Variants in CCDC154 observed in about 807,000 individuals in gnomAD.
CCDC154 encodes the protein coiled-coil domain-containing protein 154.
CCDC154 carries 91 observed loss-of-function variants against 87.5 expected under a neutral mutation model. That is an observed-to-expected ratio of 1.04 (90% CI 0.88 to 1.24). CCDC154 has a LOEUF of 1.24. Ranked by LOEUF, CCDC154 falls within the 50% of genes most tolerant of loss-of-function variation. CCDC154 has a pLI of 0.00. For missense variants in CCDC154, 903 were observed against 879.2 expected, an observed-to-expected ratio of 1.03 and a Z score of -0.34; for synonymous variants, 418 against 400.4, an observed-to-expected ratio of 1.04 and a Z score of -0.52.
chr16:1,443,724 G>A (rs1240275472), intron 2 of CCDC154, 29 bp from the exon 3 acceptor site: 2 of 1,301,018 alleles, frequency 1.5e-6, no homozygotes, highest in Non-Finnish European at 2.0e-6. Context: ...GGCGAGTCTG[G>A]CGGTGCCCGC....
intron 1 of CCDC154, 41 bp from the exon 2 acceptor site, chr16:1,444,053 G>A: frequency 7.9e-7 from 1 of 1,273,646 alleles, no homozygotes; most frequent in Non-Finnish European, 1.0e-6. Context: ...TTGGGGCCCG[G>A]CCCCCACTGG....
In CCDC154 at chr16:1,443,947, C is replaced by G; in HGVS notation, c.73G>C (p.Asp25His). 1 of 1,303,776 alleles carries G rather than the reference C, an allele frequency of 7.7e-7. No homozygotes were observed. The highest frequency in any genetic ancestry group is 1.0e-6 in the Non-Finnish European group (1 of 988,956). 80.8% of individuals were successfully genotyped at this position (1,303,776 alleles called of 1,614,324 possible). ...PSQLRAVTLE[D>H]LGLLLAGGLA... Reference sequence around the variant, plus strand: ...CCTCCTGCCAGGAGGAGCCCCAGGTCTTCCAGGGTGACGGCTCTCAGCTGG... The same window carrying G: ...CCTCCTGCCAGGAGGAGCCCCAGGTGTTCCAGGGTGACGGCTCTCAGCTGG... Residue 25 changes from aspartate to histidine, a missense_variant, in exon 2 of 17, where the codon GAC becomes CAC. By Grantham distance (81) the Asp-to-His change is moderately conservative (BLOSUM62 -1). Transcript: ENST00000389176.
At chr16:1,435,535 TTTTG>T (rs1204115758) in intron 14 of CCDC154, among the ~76,000 whole-genome samples, 1 of 152,150 alleles carries the variant, frequency 6.6e-6, no homozygotes, top group African/African-American at 2.4e-5. Flanking sequence ...TTTTGTTTTG[TTTTG>T]TTTGAGATGG....
chr16:1,442,775 G>C, intron 5 of CCDC154, 105 bp downstream of exon 5: 1 of 1,233,522 alleles, frequency 8.1e-7, no homozygotes, highest in Non-Finnish European at 1.1e-6. Context: ...GCCCCGCCGG[G>C]TTACTGGGGA....
chr16:1,437,566 C>T (rs1302057209), intron 11 of CCDC154: 5 of 472,190 alleles, frequency 1.1e-5, no homozygotes, highest in South Asian at 4.1e-5. Context: ...ATGGCCGGGC[C>T]GTGGGCCGAG....
At chr16:1,437,758 A>T in intron 11 of CCDC154, 59 bp downstream of exon 11, 1 of 1,480,312 alleles carries the variant, frequency 6.8e-7, no homozygotes, top group Non-Finnish European at 9.0e-7. Flanking sequence ...GTGGGCTGAG[A>T]GCTGGAGGGG....
In CCDC154 at chr16:1,434,822, T is replaced by C. The variant is rs888162276; in HGVS notation, c.1723A>G (p.Ser575Gly). ...TCCTCACTCCACAGCCGGAGCACAC[T>C]CTCCCACAGGGTGGCCATCTCCTGC... ...RTQEMATLWE[S>G]VLRLWSEEGP... Residue 575 changes from serine (S) to glycine (G), a missense_variant, in exon 16 of 17, where the codon AGT becomes GGT. Ser to Gly is a moderately conservative substitution (Grantham distance 56). Transcript: ENST00000389176. 1 of 1,529,844 alleles carries C rather than the reference T, an allele frequency of 6.5e-7. No homozygotes were observed. Among genetic ancestry groups the C allele is most frequent in the Non-Finnish European group, 8.8e-7 (1 of 1,141,460 alleles). The allele number at this position is 1,529,844 out of a possible 1,614,324, so 94.8% of individuals were successfully genotyped here. A position where few individuals can be genotyped will look rare whatever the true frequency, so the allele number is the denominator to read the frequency against.
intron 6 of CCDC154, among the ~76,000 whole-genome samples, chr16:1,441,241 G>A (rs1000472446): frequency 6.6e-5 from 10 of 152,206 alleles, no homozygotes; most frequent in Non-Finnish European, 1.5e-4. Flanking sequence ...CTGGCACCTT[G>A]GGAATCCTCA....
intron 3 of CCDC154, 45 bp downstream of exon 3, chr16:1,443,461 C>T (rs751524131): frequency 1.3e-5 from 19 of 1,434,330 alleles, no homozygotes; most frequent in Non-Finnish European, 1.7e-5. Context: ...GCCCCCAACA[C>T]CCAGGAAAGG....
chr16:1,442,662 G>A (rs536699661), intron 5 of CCDC154, 133 bp from the exon 6 acceptor site: 2 of 1,119,830 alleles, frequency 1.8e-6, no homozygotes, highest in Admixed American at 2.8e-5. Context: ...AGAGGAATGG[G>A]AAACACAGCA....
chr16:1,434,450 C>T lies in CCDC154; in HGVS notation c.1962G>A (p.Glu654=). 1 of 1,550,304 alleles carries T rather than the reference C, an allele frequency of 6.5e-7. No individual in the cohort carries two copies. Among genetic ancestry groups the T allele is most frequent in the Non-Finnish European group, 8.7e-7 (1 of 1,146,860 alleles). The change falls in exon 17 of 17, where the codon GAG becomes GAA. Residue 654 remains glutamate (E), a synonymous_variant. Coordinates refer to ENST00000389176, the MANE Select transcript of CCDC154 (RefSeq NM_001143980.3). Reference sequence around the variant, plus strand: ...GTGAGGGTGTGAGCTGCTGCACCTGCTCCTGGCTGTGGGGCTTCTCCAGGA... The same window carrying T: ...GTGAGGGTGTGAGCTGCTGCACCTGTTCCTGGCTGTGGGGCTTCTCCAGGA... The part of the protein sequence containing the change: ...GGVLEKPHSQ[E]QVQQLTPSLF...
Position 1,436,711 on chromosome 16 carries a change from A to G in CCDC154, c.1391T>C (p.Val464Ala). The G allele has an allele frequency of 6.5e-7, 1 of 1,550,186 alleles. No homozygotes were observed. Among genetic ancestry groups the G allele is most frequent in the Non-Finnish European group, 8.7e-7 (1 of 1,146,904 alleles). The change falls in exon 12 of 17, where the codon GTG (valine) becomes GCG (alanine). Residue 464 changes from valine to alanine, a missense_variant. By Grantham distance (64) the Val-to-Ala change is moderately conservative. Coordinates refer to ENST00000389176, the MANE Select transcript of CCDC154 (RefSeq NM_001143980.3). ...TEHLRGVREK[V>A]DGLPQQIESV... The stretch of plus-strand genomic sequence containing the variant: ...GCCCACCTGCTGGGGGAGGCCATCC[A>G]CCTTCTCCCGCACCCCTCGCAGGTG...
chr16:1,441,123 C>CA (rs1240400139), intron 6 of CCDC154, among the ~76,000 whole-genome samples: 2 of 152,118 alleles, frequency 1.3e-5, no homozygotes, highest in Admixed American at 1.3e-4. Flanking sequence ...TGTCTCAAAA[C>CA]AAAAAACGAG....
At position 1,434,482 on chromosome 16, in the gene CCDC154, C is replaced by G. The variant is rs576528390; in HGVS notation, c.1930G>C (p.Gly644Arg). The change falls in exon 17 of 17, where the codon GGA (glycine) becomes CGA (arginine). Residue 644 changes from glycine (G) to arginine (R), a missense_variant. Transcript: ENST00000389176. The stretch of plus-strand genomic sequence containing the variant: ...CTGTGGGGCTTCTCCAGGACCCCTC[C>G]TGGCCTCCGCAGGGCCCTGAGCTTT... ...LIKLRALRRP[G>R]GVLEKPHSQE... 8.4e-6 allele frequency: 13 copies of G among 1,549,996 alleles called. No homozygotes were observed. In the African/African-American group the frequency reaches 1.5e-4, roughly 18 times the overall value.
At chr16:1,440,321 G>A (rs2402095) in intron 6 of CCDC154, among the ~76,000 whole-genome samples, 104,945 of 151,456 alleles carry the variant, frequency 0.69, 39,312 homozygotes, top group East Asian at 0.94. Context: ...ATGGTGATGC[G>A]TGCCTGTAGT....
In CCDC154 at chr16:1,436,760, T is replaced by C. The variant is rs2038505869; in HGVS notation, c.1342A>G (p.Arg448Gly). 3.2e-6 allele frequency: 5 copies of C among 1,550,528 alleles called. No individual in the cohort carries two copies. The highest frequency in any genetic ancestry group is 3.3e-4 in the Middle Eastern group (2 of 5,990). The change falls in exon 12 of 17, where the codon AGG becomes GGG. Residue 448 changes from arginine (R) to glycine (G), a missense_variant. Physicochemically the swap from Arg to Gly is moderately radical, Grantham distance 125. Coordinates refer to ENST00000389176, the MANE Select transcript of CCDC154 (RefSeq NM_001143980.3). The part of the protein sequence containing the change: ...AERKSLEDLA[R>G]WRKEVTEHLR... ...TGTTCGGTCACCTCCTTCCGCCACC[T>C]GGCCAGGTCCTCCAGGGACTTCCTC...
chr16:1,442,996 C>A lies in CCDC154; in HGVS notation c.456-21G>T, dbSNP rs1390993410. 1.9e-6 allele frequency: 3 copies of A among 1,549,676 alleles called. No homozygotes were observed. The East Asian group carries it at 7.3e-5, about 38-fold the overall frequency. On this transcript the variant is annotated intron_variant, in intron 4 of 16. Transcript: ENST00000389176. ...CCAGCCTGGGACACAACAAGCCATT[C>A]CCGAGAGGCCCAGGCGGGCTGAGCA...
chr16:1,436,729 C>A lies in CCDC154; in HGVS notation c.1373G>T (p.Arg458Leu). The A allele has an allele frequency of 6.4e-7, 1 of 1,550,402 alleles. No homozygotes were observed. The highest frequency in any genetic ancestry group is 8.7e-7 in the Non-Finnish European group (1 of 1,146,944). Reference sequence around the variant, plus strand: ...GCCATCCACCTTCTCCCGCACCCCTCGCAGGTGTTCGGTCACCTCCTTCCG... The same window carrying A: ...GCCATCCACCTTCTCCCGCACCCCTAGCAGGTGTTCGGTCACCTCCTTCCG... ...RWRKEVTEHLRGVREKVDGLP... is the reference protein window; with the variant it reads ...RWRKEVTEHLLGVREKVDGLP... Residue 458 changes from arginine to leucine, a missense_variant, in exon 12 of 17, where the codon CGA (arginine) becomes CTA (leucine). Physicochemically the swap from Arg to Leu is moderately radical, Grantham distance 102 (BLOSUM62 -2). Coordinates refer to ENST00000389176, the MANE Select transcript of CCDC154 (RefSeq NM_001143980.3).
In CCDC154 at chr16:1,438,678, C is replaced by T; in HGVS notation, c.966G>A (p.Lys322=). The T allele has an allele frequency of 6.5e-7, 1 of 1,550,140 alleles. No homozygotes were observed. The highest frequency in any genetic ancestry group is 8.7e-7 in the Non-Finnish European group (1 of 1,146,788). Reference sequence around the variant, plus strand: ...GCGACGCCTGGTTCTGCTGCACAAACTTGGTCAGCTGGGCCACGGCAGCAT... The same window carrying T: ...GCGACGCCTGGTTCTGCTGCACAAATTTGGTCAGCTGGGCCACGGCAGCAT... ...GLDAAVAQLT[K]FVQQNQASLN... is the part of the protein sequence containing the mutation. The change falls in exon 9 of 17, where the codon AAG becomes AAA. Residue 322 remains lysine (K), a synonymous_variant. Coordinates refer to ENST00000389176, the MANE Select transcript of CCDC154 (RefSeq NM_001143980.3).
Sources: allele counts gnomAD v4.1 joint callset (sites outside exome capture counted in the v4.1 genomes callset), GRCh38; gene constraint gnomAD v4.1.1; transcripts MANE v1.5; gene names NCBI Gene and HGNC (gene_info 2026-07-23, HGNC 2026-07-21).